Variants in NLN observed in about 807,000 individuals in gnomAD.
NLN encodes the protein neurolysin, mitochondrial.
NLN carries 64 observed loss-of-function variants against 79.9 expected under a neutral mutation model. That is an observed-to-expected ratio of 0.80 (90% CI 0.65 to 0.99). The LOEUF (loss-of-function observed/expected upper bound fraction) is 0.99, where lower values mean the gene tolerates loss of function less well. NLN is among the 50% of genes least tolerant of loss of function. NLN has a pLI of 0.00. For synonymous variants in NLN, 267 were observed against 296.6 expected (o/e 0.90, Z 1.02); for missense variants, 835 against 858.7 (o/e 0.97, Z 0.34).
intron 2 of NLN, among the ~76,000 whole-genome samples, chr5:65,761,070 C>G (rs1579929837): frequency 1.3e-5 from 2 of 152,106 alleles, no homozygotes; most frequent in African/African-American, 4.8e-5. Context: ...TGTCTAGTGT[C>G]AGGCACTGGG....
intron 12 of NLN, among the ~76,000 whole-genome samples, chr5:65,818,024 T>C (rs1303068852): frequency 6.6e-6 from 1 of 152,242 alleles, no homozygotes; most frequent in African/African-American, 2.4e-5. Context: ...CCTTTTCTAG[T>C]AGCCTCAGGT....
chr5:65,774,861 A>T (rs1375969707), intron 3 of NLN, among the ~76,000 whole-genome samples: 2 of 151,894 alleles, frequency 1.3e-5, no homozygotes, highest in African/African-American at 4.8e-5. Context: ...AGTAGCTGGA[A>T]TTACACACAC....
At chr5:65,744,733 G>A (rs1030261108) in intron 1 of NLN, among the ~76,000 whole-genome samples, 2 of 151,988 alleles carry the variant, frequency 1.3e-5, no homozygotes, top group Non-Finnish European at 2.9e-5. Context: ...ACCTTGTCTC[G>A]ACTAAAAATA....
In NLN at chr5:65,763,017, C is replaced by T; in HGVS notation, c.359C>T (p.Ala120Val). ...QHVSSDKEVR[A>V]ASTEADKRLS... ...GTATCCTCTGACAAAGAAGTACGAG[C>T]AGCAAGTACAGAAGCAGACAAAAGA... The change falls in exon 3 of 13, where the codon GCA (alanine) becomes GTA (valine). Residue 120 changes from alanine to valine, a missense_variant. By Grantham distance (64) the Ala-to-Val change is moderately conservative. Transcript: ENST00000380985. 1 of 1,613,850 alleles carries T rather than the reference C, an allele frequency of 6.2e-7. No individual in the cohort carries two copies. The highest frequency in any genetic ancestry group is 1.1e-5 in the South Asian group (1 of 91,066).
intron 1 of NLN, among the ~76,000 whole-genome samples, chr5:65,740,399 A>T (rs1409970236): frequency 6.6e-6 from 1 of 152,188 alleles, no homozygotes; most frequent in African/African-American, 2.4e-5. Context: ...TAATCCACTT[A>T]TGAAGGCAAA....
At chr5:65,782,215 GTTTT>G (rs1759815918) in intron 6 of NLN, among the ~76,000 whole-genome samples, 1 of 152,104 alleles carries the variant, frequency 6.6e-6, no homozygotes, top group African/African-American at 2.4e-5. Context: ...ATGGCCCCCA[GTTTT>G]GCCCACAGGG....
At chr5:65,778,119 G>A (rs1448323054) in intron 4 of NLN, among the ~76,000 whole-genome samples, 24 of 152,146 alleles carry the variant, frequency 1.6e-4, no homozygotes, top group Admixed American at 1.4e-3. Flanking sequence ...AATCCTTACC[G>A]ATGGAGAGTT....
At position 65,823,876 on chromosome 5, in the gene NLN, A is replaced by G. The variant is rs1422811722; in HGVS notation, c.*961A>G. 1 of 152,128 alleles carries G rather than the reference A, an allele frequency of 6.6e-6. No homozygotes were observed. The allele number at this position is 152,128 out of a possible 1,614,324, so 9.4% of individuals were successfully genotyped here. On this transcript the variant is annotated 3_prime_UTR_variant, in exon 13 of 13. Transcript: ENST00000380985. ...GATGTGGAACATAAAGGGTTCAGAA[A>G]CTCCAGAAGAGGAGTGGGTTTTGGA...
chr5:65,738,981 T>TTTATA (rs1258354102), intron 1 of NLN, among the ~76,000 whole-genome samples: 396 of 4,716 alleles, frequency 0.084, 6 homozygotes, highest in African/African-American at 0.14. Context: ...ATATATATAT[T>TTTATA]ATATATTTAT....
chr5:65,788,554 G>A (rs1442093760), intron 8 of NLN, 70 bp downstream of exon 8: 3 of 1,477,970 alleles, frequency 2.0e-6, no homozygotes, highest in African/African-American at 1.4e-5. Context: ...CTCTACTCTT[G>A]GCCAGGCACA....
intron 9 of NLN, among the ~76,000 whole-genome samples, chr5:65,799,295 A>G (rs6449791): frequency 0.15 from 22,729 of 152,186 alleles, 1,983 homozygotes; most frequent in African/African-American, 0.24. Context: ...AATGTTCAGA[A>G]TTTAGCTTGA....
Position 65,765,613 on chromosome 5 carries a change from G to A in NLN, c.450+2505G>A, listed in dbSNP as rs1759435167. On this transcript the variant is annotated intron_variant, in intron 3 of 12. Transcript: ENST00000380985. ...AGTCCCAGCTACTCGGGAGGCTGAG[G>A]TGGGAGGATTGCTTGTGCCCAGGAG... 2.0e-5 allele frequency among the ~76,000 whole-genome samples: 3 copies of A among 152,190 alleles called. No homozygotes were observed. The South Asian group carries it at 6.2e-4, about 32-fold the overall frequency.
intron 2 of NLN, among the ~76,000 whole-genome samples, chr5:65,761,227 TA>T (rs1181757705): frequency 1.3e-4 from 20 of 152,260 alleles, no homozygotes; most frequent in African/African-American, 4.8e-4. Context: ...GTTGCTTATA[TA>T]AGTTTATGAG....
chr5:65,828,957 T>G lies in NLN; in HGVS notation c.*6042T>G, dbSNP rs542472186. Reference sequence around the variant, plus strand: ...AGTTTATCCAGAGGTTAATTACCGGTTTTCTGGTGGGTATCTGGGAACTGA... The same window carrying G: ...AGTTTATCCAGAGGTTAATTACCGGGTTTCTGGTGGGTATCTGGGAACTGA... On this transcript the variant is annotated 3_prime_UTR_variant, in exon 13 of 13. Transcript: ENST00000380985. The G allele has an allele frequency of 6.6e-6, 1 of 152,300 alleles. No homozygotes were observed. Among genetic ancestry groups the G allele is most frequent in the South Asian group, 2.1e-4 (1 of 4,828 alleles). The allele number at this position is 152,300 out of a possible 1,614,324, so 9.4% of individuals were successfully genotyped here. A position where few individuals can be genotyped will look rare whatever the true frequency, so the allele number is the denominator to read the frequency against.
At chr5:65,722,471 G>T in intron 1 of NLN, 57 bp downstream of exon 1, 3 of 1,475,220 alleles carry the variant, frequency 2.0e-6, no homozygotes, top group Non-Finnish European at 2.8e-6. Context: ...CTTTCGCCGT[G>T]TGGTGCCTGG....
intron 1 of NLN, among the ~76,000 whole-genome samples, chr5:65,743,801 T>G (rs1247740279): frequency 1.3e-5 from 2 of 152,212 alleles, no homozygotes; most frequent in East Asian, 3.8e-4. Flanking sequence ...TTTCCTTCAT[T>G]GGTTTATTTA....
At chr5:65,732,110 C>A (rs541192154) in intron 1 of NLN, among the ~76,000 whole-genome samples, 105 of 152,308 alleles carry the variant, frequency 6.9e-4, no homozygotes, top group African/African-American at 2.3e-3. Context: ...CTTTATCTAT[C>A]ATGAGGGCTG....
At chr5:65,723,809 C>T (rs1414560464) in intron 1 of NLN, among the ~76,000 whole-genome samples, 1 of 82,068 alleles carries the variant, frequency 1.2e-5, no homozygotes, top group African/African-American at 4.5e-5. Flanking sequence ...AGCAAGACTC[C>T]GTCTCAAAAA....
At position 65,827,066 on chromosome 5, in the gene NLN, G is replaced by A. The variant is rs899999310; in HGVS notation, c.*4151G>A. 1 of 151,396 alleles carries A rather than the reference G, an allele frequency of 6.6e-6. No homozygotes were observed. The highest frequency in any genetic ancestry group is 2.4e-5 in the African/African-American group (1 of 41,128). 9.4% of individuals were successfully genotyped at this position (151,396 alleles called of 1,614,324 possible). A position where few individuals can be genotyped will look rare whatever the true frequency, so the allele number is the denominator to read the frequency against. On this transcript the variant is annotated 3_prime_UTR_variant, in exon 13 of 13. Transcript: ENST00000380985. The stretch of plus-strand genomic sequence containing the variant: ...ATTATCTAGTATCAGCTGTATCAAG[G>A]CAAAAGGTAAAGGTTATAAGATGTA...
Sources: allele counts gnomAD v4.1 joint callset (sites outside exome capture counted in the v4.1 genomes callset), GRCh38; gene constraint gnomAD v4.1.1; transcripts MANE v1.5; gene names NCBI Gene and HGNC (gene_info 2026-07-23, HGNC 2026-07-21).